The following ITGAX variants were observed in gnomAD, a reference collection of about 807,000 sequenced individuals.
ITGAX encodes the protein integrin subunit alpha X.
ITGAX carries 99 observed loss-of-function variants against 140.2 expected under a neutral mutation model. The observed-to-expected ratio is 0.71, with a 90% CI of 0.60 to 0.83. ITGAX has a LOEUF of 0.83. ITGAX is among the 40% of genes least tolerant of loss of function. The pLI is 0.00. For synonymous variants in ITGAX, 631 were observed against 600.4 expected (o/e 1.05, Z -0.75); for missense variants, 1,444 against 1,482.0 (o/e 0.97, Z 0.42).
In ITGAX at chr16:31,362,044, T is replaced by C. The variant is rs773448780; in HGVS notation, c.1087-31T>C. On this transcript the variant is annotated intron_variant, in intron 10 of 29. Transcript: ENST00000268296. ...TACATGCTGTCTTCCTGCTCCGGCC[T>C]CTGCTCAGCCCTGGAATCCTTTTCT... 1.2e-5 allele frequency: 19 copies of C among 1,613,816 alleles called. No homozygotes were observed. The South Asian group carries it at 1.9e-4, about 16-fold the overall frequency.
At chr16:31,378,789 G>A (rs950899918) in intron 23 of ITGAX, among the ~76,000 whole-genome samples, 1 of 148,334 alleles carries the variant, frequency 6.7e-6, no homozygotes, top group African/African-American at 2.5e-5. Flanking sequence ...CTTGTTTGAA[G>A]CCCAGCCCTG....
At position 31,380,994 on chromosome 16, in the gene ITGAX, C is replaced by A. The variant is rs771872674; in HGVS notation, c.3374C>A (p.Ala1125Glu). The A allele has an allele frequency of 1.2e-6, 2 of 1,613,346 alleles. No individual in the cohort carries two copies. The highest frequency in any genetic ancestry group is 2.2e-5 in the South Asian group (2 of 91,054). Residue 1125 changes from alanine (A) to glutamate (E), a missense_variant, in exon 29 of 30, where the codon GCG becomes GAG. Ala to Glu is a moderately radical substitution (Grantham distance 107, BLOSUM62 -1). Transcript: ENST00000268296. ...GGLLLLALIT[A>E]VLYKVGFFKR... ...CTGTTGCTGCTGGCACTCATCACAG[C>A]GGTACTGTACAAAGTGAGTGTTTTA...
chr16:31,370,193 T>C (rs1021110561), intron 14 of ITGAX: 1 of 152,218 alleles, frequency 6.6e-6, no homozygotes, highest in African/African-American at 2.4e-5. Flanking sequence ...TGACCTCAGA[T>C]GACCCACCCG....
intron 5 of ITGAX, chr16:31,358,373 G>A (rs987347923): frequency 6.6e-6 from 1 of 152,260 alleles, no homozygotes; most frequent in Non-Finnish European, 1.5e-5. Flanking sequence ...CAAGAGGGTT[G>A]TTTGAGGCCT....
At position 31,357,237 on chromosome 16, in the gene ITGAX, C is replaced by A; in HGVS notation, c.319-16C>A. Reference sequence around the variant, plus strand: ...GGAAGCAGGGGCAGCCCCCCAGCAGCCCGCTGTGTCCCCAGGCCTGCGGCC... The same window carrying A: ...GGAAGCAGGGGCAGCCCCCCAGCAGACCGCTGTGTCCCCAGGCCTGCGGCC... On this transcript the variant is annotated splice_polypyrimidine_tract_variant and intron_variant, in intron 4 of 29. Coordinates refer to ENST00000268296, the MANE Select transcript of ITGAX (RefSeq NM_000887.5). 1 of 1,582,424 alleles carries A rather than the reference C, an allele frequency of 6.3e-7. No homozygotes were observed.
chr16:31,360,586 C>A, intron 8 of ITGAX, 123 bp downstream of exon 8: 2 of 929,182 alleles, frequency 2.2e-6, no homozygotes, highest in Non-Finnish European at 3.2e-6. Flanking sequence ...GTGGTGCAAT[C>A]CTAGCTCACT....
At chr16:31,376,946 C>T in intron 21 of ITGAX, 31 bp downstream of exon 21, 4 of 1,613,218 alleles carry the variant, frequency 2.5e-6, no homozygotes, top group East Asian at 2.2e-5. Context: ...CTCACTGCTC[C>T]CCTGCCCCAC....
Position 31,381,982 on chromosome 16 carries a change from G to C in ITGAX, c.*75G>C. The C allele has an allele frequency of 6.8e-7, 1 of 1,477,728 alleles. No homozygotes were observed. Among genetic ancestry groups the C allele is most frequent in the Non-Finnish European group, 9.2e-7 (1 of 1,085,724 alleles). 91.5% of individuals were successfully genotyped at this position (1,477,728 alleles called of 1,614,324 possible). ...CTTACCCTCACCTGTCAGGCCTGAC[G>C]GGGAGGAACCACTGCACCACCGAGA... On this transcript the variant is annotated 3_prime_UTR_variant, in exon 30 of 30. Coordinates refer to ENST00000268296, the MANE Select transcript of ITGAX (RefSeq NM_000887.5).
At position 31,362,124 on chromosome 16, in the gene ITGAX, C is replaced by T; in HGVS notation, c.1136C>T (p.Ala379Val). The T allele has an allele frequency of 6.2e-7, 1 of 1,614,148 alleles. No individual in the cohort carries two copies. The highest frequency in any genetic ancestry group is 8.5e-7 in the Non-Finnish European group (1 of 1,180,010). ...AVGSFTWSGG[A>V]FLYPPNMSPT... ...GGGAGCTTCACCTGGTCTGGAGGTGCCTTCCTGTACCCCCCAAATATGAGC... is the reference window on the plus strand; with the variant it reads ...GGGAGCTTCACCTGGTCTGGAGGTGTCTTCCTGTACCCCCCAAATATGAGC... Residue 379 changes from alanine to valine, a missense_variant, in exon 11 of 30, where the codon GCC becomes GTC. By Grantham distance (64) the Ala-to-Val change is moderately conservative (BLOSUM62 0). Transcript: ENST00000268296.
At chr16:31,366,121 T>G (rs1179381914) in intron 14 of ITGAX, among the ~76,000 whole-genome samples, 1 of 152,240 alleles carries the variant, frequency 6.6e-6, no homozygotes, top group Non-Finnish European at 1.5e-5. Flanking sequence ...TTTTACACGC[T>G]GAAGGTATGC....
intron 9 of ITGAX, 166 bp downstream of exon 9, chr16:31,361,379 A>G (rs2080823566): frequency 2.4e-6 from 2 of 822,122 alleles, no homozygotes; most frequent in South Asian, 3.3e-5. Flanking sequence ...GTCCCCCAGC[A>G]CTGTCAGAGC....
Position 31,380,948 on chromosome 16 carries a change from G to C in ITGAX, c.3328G>C (p.Val1110Leu). 3.7e-6 allele frequency: 6 copies of C among 1,614,174 alleles called. No individual in the cohort carries two copies. Among genetic ancestry groups the C allele is most frequent in the Non-Finnish European group, 5.1e-6 (6 of 1,180,032 alleles). The change falls in exon 29 of 30, where the codon GTA becomes CTA. Residue 1110 changes from valine (V) to leucine (L), a missense_variant. Coordinates refer to ENST00000268296, the MANE Select transcript of ITGAX (RefSeq NM_000887.5). ...YKVHNPTPLIVGSSIGGLLLL... is the reference protein window; with the variant it reads ...YKVHNPTPLILGSSIGGLLLL... ...GGTCCACAACCCCACCCCCCTCATC[G>C]TAGGCAGCTCCATTGGGGGTCTGTT... is the stretch of plus-strand genomic sequence containing the variant.
rs760817145 is a variant in ITGAX, at chr16:31,371,584, A to C, written c.2006-46A>C. On this transcript the variant is annotated intron_variant, in intron 16 of 29. Coordinates refer to ENST00000268296, the MANE Select transcript of ITGAX (RefSeq NM_000887.5). The stretch of plus-strand genomic sequence containing the variant: ...CTGTCTCCCACCCTGCTCATTGTCC[A>C]CCCAAGGAGTTCCTGTCTCAACGCC... 3 of 1,611,102 alleles carry C rather than the reference A, an allele frequency of 1.9e-6. No homozygotes were observed. The African/African-American group carries it at 4.0e-5, about 22-fold the overall frequency.
At chr16:31,373,209 T>C in intron 19 of ITGAX, 40 bp from the exon 20 acceptor site, 1 of 1,540,208 alleles carries the variant, frequency 6.5e-7, no homozygotes, top group Non-Finnish European at 8.8e-7. Flanking sequence ...CTAGCCTCAG[T>C]CACAGAATCA....
chr16:31,372,305 G>T, intron 17 of ITGAX, 73 bp from the exon 18 acceptor site: 1 of 1,539,238 alleles, frequency 6.5e-7, no homozygotes, highest in South Asian at 1.2e-5. Context: ...GGCAGGATAA[G>T]AACTGCGGAT....
Position 31,380,598 on chromosome 16 carries a change from G to A in ITGAX, c.3250G>A (p.Gly1084Arg), listed in dbSNP as rs2081060267. ...CACATCCGTGTACTCCCAGCTTCCA[G>A]GACAGGAGGCATTTATGAGAGCTCA... ...FDTSVYSQLP[G>R]QEAFMRAQTT... Residue 1084 changes from glycine to arginine, a missense_variant, in exon 28 of 30, where the codon GGA (glycine) becomes AGA (arginine). Physicochemically the swap from Gly to Arg is moderately radical, Grantham distance 125. Transcript: ENST00000268296. The A allele has an allele frequency of 6.2e-7, 1 of 1,614,160 alleles. No homozygotes were observed. Among genetic ancestry groups the A allele is most frequent in the African/African-American group, 1.3e-5 (1 of 74,950 alleles).
chr16:31,371,297 C>T (rs1256828844), intron 15 of ITGAX, 37 bp from the exon 16 acceptor site: 7 of 1,610,644 alleles, frequency 4.3e-6, no homozygotes, highest in Non-Finnish European at 5.9e-6. Flanking sequence ...CTCCCAGGAG[C>T]CGACGGCCTG....
At chr16:31,356,057 C>G in intron 2 of ITGAX, 59 bp downstream of exon 2, 1 of 1,238,784 alleles carries the variant, frequency 8.1e-7, no homozygotes. Flanking sequence ...CTCAGGGCCC[C>G]ATGCCCCCGG....
intron 20 of ITGAX, among the ~76,000 whole-genome samples, 160 bp from the exon 21 acceptor site, chr16:31,376,639 C>T (rs566066346): frequency 1.3e-5 from 2 of 152,040 alleles, no homozygotes; most frequent in Non-Finnish European, 2.9e-5. Flanking sequence ...AACAAACAAA[C>T]AAACAAAAAC....
Sources: allele counts gnomAD v4.1 joint callset (sites outside exome capture counted in the v4.1 genomes callset), GRCh38; gene constraint gnomAD v4.1.1; transcripts MANE v1.5; gene names NCBI Gene and HGNC (gene_info 2026-07-23, HGNC 2026-07-21).